TAB2: variants seen among roughly 807,000 people sequenced by gnomAD.
The protein encoded by TAB2 is TGF-beta activated kinase 1 (MAP3K7) binding protein 2.
A neutral mutation model predicts 65.0 loss-of-function variants in TAB2; 3 were observed. The ratio of observed to expected loss-of-function variants is 0.05; its 90% CI spans 0.02 to 0.12. The LOEUF is 0.12. TAB2 is among the 10% of genes least tolerant of loss of function. The pLI, the probability that TAB2 is intolerant of heterozygous loss-of-function variation, is 1.00. For missense variants in TAB2, 623 were observed against 840.3 expected (o/e 0.74, Z 3.20); for synonymous variants, 298 against 285.1 (o/e 1.05, Z -0.46).
In TAB2 at chr6:149,376,497, C is replaced by T. The variant is rs767740246; in HGVS notation, c.103-1521C>T. On this transcript the variant is annotated intron_variant, in intron 2 of 6. Coordinates refer to ENST00000637181, the MANE Select transcript of TAB2 (RefSeq NM_001292034.3). The stretch of plus-strand genomic sequence containing the variant: ...TTGGAACATGCTTTTACTTAACTCT[C>T]ACCTTTATATTCTTCTTTACTCGTG... Among the ~76,000 whole-genome samples, 93 of 152,338 alleles carry T rather than the reference C, an allele frequency of 6.1e-4. 2 individuals carry two copies. The highest frequency in any genetic ancestry group is 2.1e-4 in the South Asian group (1 of 4,828).
chr6:149,354,907 A>G (rs1287062917), intron 1 of TAB2, among the ~76,000 whole-genome samples: 2 of 152,202 alleles, frequency 1.3e-5, no homozygotes, highest in African/African-American at 2.4e-5. Context: ...TTTGGCAAAT[A>G]TATATAGTTT....
At chr6:149,322,681 G>C (rs1779494462) in intron 1 of TAB2, among the ~76,000 whole-genome samples, 1 of 152,128 alleles carries the variant, frequency 6.6e-6, no homozygotes, top group African/African-American at 2.4e-5. Flanking sequence ...TGTTGAATAG[G>C]TTGATGAGCT....
chr6:149,397,263 G>A (rs953024725), intron 3 of TAB2, among the ~76,000 whole-genome samples: 9 of 152,130 alleles, frequency 5.9e-5, no homozygotes, highest in African/African-American at 1.7e-4. Flanking sequence ...CCAACATGGT[G>A]AAACCTCATC....
upstream of TAB2, chr6:149,218,185 C>T (rs1165772970): frequency 6.6e-6 from 1 of 152,184 alleles, no homozygotes; most frequent in Non-Finnish European, 1.5e-5. Flanking sequence ...GAGTAGAAAG[C>T]TTATTGTTAG....
At chr6:149,257,045 T>C (rs1778051840) in intron 1 of TAB2, among the ~76,000 whole-genome samples, 1 of 152,174 alleles carries the variant, frequency 6.6e-6, no homozygotes, top group African/African-American at 2.4e-5. Flanking sequence ...CACACAACCA[T>C]CTAAAATTTT....
chr6:149,397,913 T>G, intron 4 of TAB2, 56 bp from the exon 5 acceptor site: 1 of 1,587,576 alleles, frequency 6.3e-7, no homozygotes, highest in South Asian at 1.1e-5. Context: ...CCATTCTTTA[T>G]TAACTAATGA....
intron 1 of TAB2, chr6:149,257,451 G>A (rs1778060806): frequency 1.3e-5 from 2 of 152,084 alleles, no homozygotes; most frequent in South Asian, 4.1e-4. Flanking sequence ...TAAGATCCAT[G>A]TTTCTTTAAA....
chr6:149,263,466 A>G (rs1255352638), intron 1 of TAB2, among the ~76,000 whole-genome samples: 1 of 152,214 alleles, frequency 6.6e-6, no homozygotes, highest in South Asian at 2.1e-4. Flanking sequence ...TTGAAAGCCA[A>G]GATTTACCAG....
chr6:149,249,186 A>C (rs1288751584), intron 1 of TAB2, among the ~76,000 whole-genome samples: 3 of 148,596 alleles, frequency 2.0e-5, no homozygotes, highest in African/African-American at 7.5e-5. Context: ...ACACACACAC[A>C]GACACCTACC....
At chr6:149,257,129 A>G (rs1778053469) in intron 1 of TAB2, among the ~76,000 whole-genome samples, 1 of 152,246 alleles carries the variant, frequency 6.6e-6, no homozygotes, top group African/African-American at 2.4e-5. Flanking sequence ...CGCTTAGTGA[A>G]GATTGAATCT....
chr6:149,408,383 G>C (rs980949679), intron 6 of TAB2, among the ~76,000 whole-genome samples: 2 of 152,172 alleles, frequency 1.3e-5, no homozygotes, highest in African/African-American at 4.8e-5. Flanking sequence ...TGAGGACTTA[G>C]CAAGAAAATT....
At chr6:149,317,319 C>A (rs538817826), upstream of TAB2, among the ~76,000 whole-genome samples, 3 of 152,048 alleles carry the variant, frequency 2.0e-5, no homozygotes, top group South Asian at 4.2e-4. This position sits in a 1 kb window ranked among gnomAD's most constrained non-coding sequence, Gnocchi z 4.7. Context: ...AGCGGCGGCC[C>A]GCGTCCTCCC....
intron 1 of TAB2, among the ~76,000 whole-genome samples, chr6:149,319,027 G>C (rs1186016545): frequency 6.6e-6 from 1 of 152,176 alleles, no homozygotes. Context: ...GTTCTTGAAC[G>C]CTAAGATCGT....
intron 1 of TAB2, among the ~76,000 whole-genome samples, chr6:149,284,139 G>A (rs1247113116): frequency 6.6e-6 from 1 of 152,016 alleles, no homozygotes; most frequent in African/African-American, 2.4e-5. Context: ...TTAGACACAG[G>A]GTTTAAAAGT....
chr6:149,267,932 C>T (rs761235741), intron 1 of TAB2, among the ~76,000 whole-genome samples: 3 of 152,130 alleles, frequency 2.0e-5, no homozygotes, highest in Admixed American at 6.5e-5. Context: ...TTGACCAAAA[C>T]GTCATTATGT....
In TAB2 at chr6:149,400,645, ATG is replaced by A. The variant is rs763585856; in HGVS notation, c.1939+1465_1939+1466del. The A allele has an allele frequency of 8.1e-6, 13 of 1,614,092 alleles. No individual in the cohort carries two copies. The African/African-American group carries it at 1.6e-4, about 20-fold the overall frequency. ...GAAATGGAAGATGAAGATACAATTG[ATG>A]TGTTTCAACAGCCTACGGGAGGTGT... On this transcript the variant is annotated intron_variant, in intron 6 of 6. Coordinates refer to ENST00000637181, the MANE Select transcript of TAB2 (RefSeq NM_001292034.3).
chr6:149,325,491 CATT>C (rs542585955), intron 1 of TAB2, among the ~76,000 whole-genome samples: 40 of 152,270 alleles, frequency 2.6e-4, no homozygotes, highest in South Asian at 1.0e-3. Context: ...AAAACATCAT[CATT>C]ATTTTTTTAA....
intron 1 of TAB2, among the ~76,000 whole-genome samples, chr6:149,253,817 G>A (rs1317665225): frequency 6.7e-6 from 1 of 149,092 alleles, no homozygotes; most frequent in Non-Finnish European, 1.5e-5. Flanking sequence ...AGCCACTCAG[G>A]AGGCTGAGGC....
chr6:149,217,965 T>G (rs1159821905), upstream of TAB2: 1 of 152,162 alleles, frequency 6.6e-6, no homozygotes, highest in African/African-American at 2.4e-5. Flanking sequence ...AGGCAAAAGC[T>G]GAAGCTGGAG....
Sources: gnomAD v4.1 joint callset for allele counts (sites outside exome capture counted in the v4.1 genomes callset) on GRCh38, gnomAD v4.1.1 for gene constraint, Gnocchi (gnomAD v3.1) non-coding constraint, MANE v1.5 for transcripts, NCBI Gene and HGNC (gene_info 2026-07-23, HGNC 2026-07-21) for gene names.